The following PPRC1 variants were observed in gnomAD, a reference collection of about 807,000 sequenced individuals.
PPRC1 encodes the protein PPARG related coactivator 1.
A neutral mutation model predicts 132.5 loss-of-function variants in PPRC1; 23 were observed. The observed-to-expected ratio is 0.17, with a 90% CI of 0.12 to 0.25. The LOEUF is 0.25. PPRC1 is among the 10% of genes least tolerant of loss of function. The probability of loss-of-function intolerance (pLI) is 1.00; values close to 1 mark genes in which losing one functional copy is unlikely to be tolerated. For missense variants in PPRC1, 2,006 were observed against 2,089.1 expected (o/e 0.96, Z 0.78); for synonymous variants, 872 against 833.5 (o/e 1.05, Z -0.80).
In PPRC1 at chr10:102,148,271, C is replaced by T; in HGVS notation, c.4401-101C>T. ...TCTTCTACTCTGCTTTGTCTTTGGTCCTGAGCTTCCTAAAAGAAAGGCAGG... is the reference window on the plus strand; with the variant it reads ...TCTTCTACTCTGCTTTGTCTTTGGTTCTGAGCTTCCTAAAAGAAAGGCAGG... On this transcript the variant is annotated intron_variant, in intron 9 of 13. Coordinates refer to ENST00000278070, the MANE Select transcript of PPRC1 (RefSeq NM_015062.5). This position sits in a 1 kb window ranked among gnomAD's most constrained non-coding sequence, Gnocchi z 4.2. 1.4e-6 allele frequency: 2 copies of T among 1,388,432 alleles called. No homozygotes were observed. The highest frequency in any genetic ancestry group is 2.0e-5 in the Admixed American group (1 of 49,390). 86.0% of individuals were successfully genotyped at this position (1,388,432 alleles called of 1,614,324 possible).
chr10:102,120,794 A>C, the PPRC1 span, among the ~76,000 whole-genome samples: 3 of 151,842 alleles, frequency 2.0e-5, no homozygotes, highest in African/African-American at 7.3e-5. Context: ...GCTGAGCCGG[A>C]GCGGGAGCCG....
chr10:102,121,337 C>T, the PPRC1 span, among the ~76,000 whole-genome samples: 2 of 152,202 alleles, frequency 1.3e-5, no homozygotes, highest in South Asian at 4.1e-4. Flanking sequence ...AAGCTGCTGT[C>T]CTTTGAGGGC....
intron 8 of PPRC1, 93 bp from the exon 9 acceptor site, chr10:102,146,579 T>C: frequency 6.8e-7 from 1 of 1,465,404 alleles, no homozygotes; most frequent in South Asian, 1.4e-5. Context: ...CTTTGTGAGA[T>C]GAGGTGGGGG....
At chr10:102,122,462 CTTTT>C in the PPRC1 span, among the ~76,000 whole-genome samples, 2 of 133,574 alleles carry the variant, frequency 1.5e-5, no homozygotes, top group African/African-American at 5.5e-5. Flanking sequence ...TCTTTCTGCC[CTTTT>C]TTTTTTTTTT....
Position 102,150,044 on chromosome 10 carries a change from C to T in PPRC1, c.*15C>T, listed in dbSNP as rs1222289182. 5 of 1,584,968 alleles carry T rather than the reference C, an allele frequency of 3.2e-6. No individual in the cohort carries two copies. Among genetic ancestry groups the T allele is most frequent in the Admixed American group, 1.7e-5 (1 of 59,962 alleles). On this transcript the variant is annotated 3_prime_UTR_variant, in exon 14 of 14. Transcript: ENST00000278070. Reference sequence around the variant, plus strand: ...TCAGGAGGTAACCTTGGGCCCTTCCCTGCTATCCTTTTTCTCCTTTGGAGG... The same window carrying T: ...TCAGGAGGTAACCTTGGGCCCTTCCTTGCTATCCTTTTTCTCCTTTGGAGG...
chr10:102,149,421 C>T (rs903919379), intron 13 of PPRC1, 92 bp downstream of exon 13: 8 of 1,381,764 alleles, frequency 5.8e-6, no homozygotes, highest in Middle Eastern at 5.4e-4. Context: ...GGCAGACTTA[C>T]CTTAGTTTGA....
At chr10:102,132,266 A>G (rs914106651), upstream of PPRC1, among the ~76,000 whole-genome samples, 8 of 152,384 alleles carry the variant, frequency 5.2e-5, no homozygotes, top group South Asian at 2.1e-4. Flanking sequence ...TTATTTAAAA[A>G]TAGCAAATAT....
chr10:102,145,735 G>A (rs1401862237), intron 8 of PPRC1, among the ~76,000 whole-genome samples: 1 of 141,022 alleles, frequency 7.1e-6, no homozygotes, highest in Non-Finnish European at 1.5e-5. Flanking sequence ...CGTGATGGCG[G>A]GTGCCTGTAG....
At chr10:102,142,130 T>G (rs2069010996) in intron 5 of PPRC1, 126 bp downstream of exon 5, 1 of 1,153,194 alleles carries the variant, frequency 8.7e-7, no homozygotes, top group Non-Finnish European at 1.2e-6. Flanking sequence ...GTTTTTATTT[T>G]GAGATGGAGT....
At chr10:102,128,165 G>C (rs546443328), upstream of PPRC1, among the ~76,000 whole-genome samples, 139 of 151,156 alleles carry the variant, frequency 9.2e-4, no homozygotes, top group African/African-American at 3.3e-3. Context: ...TTTTGAGACA[G>C]AGTCTTGCTC....
chr10:102,143,711 G>A (rs1274355370), intron 6 of PPRC1, among the ~76,000 whole-genome samples: 2 of 152,088 alleles, frequency 1.3e-5, no homozygotes, highest in South Asian at 4.1e-4. Flanking sequence ...GGAATTCACA[G>A]AGAGAATATG....
At chr10:102,146,598 G>A in intron 8 of PPRC1, 74 bp from the exon 9 acceptor site, 1 of 1,503,904 alleles carries the variant, frequency 6.6e-7, no homozygotes, top group African/African-American at 1.4e-5. Flanking sequence ...GGTCTCTGGA[G>A]GCTATATACA....
Position 102,139,758 on chromosome 10 carries a change from A to T in PPRC1, c.1250A>T (p.Asn417Ile), listed in dbSNP as rs1053905860. ...TCTGAGAAAGAGGGGTTGTCATTGA[A>T]CTCAGAGGAGAAGCTGGACTCAGCC... Reference protein sequence around the residue: ...LCSEKEGLSLNSEEKLDSACL... With the variant: ...LCSEKEGLSLISEEKLDSACL... Residue 417 changes from asparagine (N) to isoleucine (I), a missense_variant, in exon 5 of 14, where the codon AAC (asparagine) becomes ATC (isoleucine). Physicochemically the swap from Asn to Ile is moderately radical, Grantham distance 149. Coordinates refer to ENST00000278070, the MANE Select transcript of PPRC1 (RefSeq NM_015062.5). 5.0e-6 allele frequency: 8 copies of T among 1,614,142 alleles called. No homozygotes were observed. Among genetic ancestry groups the T allele is most frequent in the Non-Finnish European group, 5.9e-6 (7 of 1,180,030 alleles).
rs145446235 is a variant in PPRC1 at position 102,146,725 on chromosome 10, G to C, written c.3733G>C (p.Val1245Leu). Reference protein sequence around the residue: ...PHQLWKPLAAVSLLAKAKSPK... With the variant: ...PHQLWKPLAALSLLAKAKSPK... ...CCAGTTATGGAAGCCCCTGGCTGCT[G>C]TCTCACTGCTGGCCAAAGCCAAATC... The change falls in exon 9 of 14, where the codon GTC (valine) becomes CTC (leucine). Residue 1245 changes from valine (V) to leucine (L), a missense_variant. Transcript: ENST00000278070. 5.7e-5 allele frequency: 92 copies of C among 1,613,824 alleles called. No homozygotes were observed. In the East Asian group the frequency reaches 1.8e-3, roughly 32 times the overall value.
chr10:102,142,992 T>C (rs2069062561), intron 5 of PPRC1, 53 bp from the exon 6 acceptor site: 1 of 1,502,394 alleles, frequency 6.7e-7, no homozygotes. Flanking sequence ...CTGGGACCTG[T>C]GTACTAAGTT....
chr10:102,145,117 T>C, intron 8 of PPRC1, 27 bp downstream of exon 8: 2 of 1,586,646 alleles, frequency 1.3e-6, no homozygotes, highest in Non-Finnish European at 1.7e-6. Context: ...GAATTCTGCC[T>C]GTGATTAGTC....
rs1437700191 is a variant in PPRC1 at position 102,139,387 on chromosome 10, A to G, written c.879A>G (p.Ala293=). 1 of 1,614,270 alleles carries G rather than the reference A, an allele frequency of 6.2e-7. No homozygotes were observed. Among genetic ancestry groups the G allele is most frequent in the South Asian group, 1.1e-5 (1 of 91,090 alleles). ...ATAAAGCAACAGCAGCAGAGATGGC[A>G]GTGCCAGCAGCTGGTGATGAGAGCA... ...EEDKATAAEM[A]VPAAGDESIS... The change falls in exon 5 of 14, where the codon GCA becomes GCG. Residue 293 remains alanine, a synonymous_variant. Transcript: ENST00000278070.
upstream of PPRC1, among the ~76,000 whole-genome samples, chr10:102,131,783 G>A (rs1260131604): frequency 1.3e-5 from 2 of 152,144 alleles, no homozygotes; most frequent in African/African-American, 2.4e-5. Flanking sequence ...TCGGCCTCCC[G>A]AGTAGCTGGG....
At position 102,148,603 on chromosome 10, in the gene PPRC1, G is replaced by T; in HGVS notation, c.4551-25G>T. 1 of 1,613,934 alleles carries T rather than the reference G, an allele frequency of 6.2e-7. No homozygotes were observed. Among genetic ancestry groups the T allele is most frequent in the Non-Finnish European group, 8.5e-7 (1 of 1,179,878 alleles). ...GTCTTGAATTGTCTTATGTTTGGGGGGCTGATGACACCCTCTTTTGTCAGG... is the reference window on the plus strand; with the variant it reads ...GTCTTGAATTGTCTTATGTTTGGGGTGCTGATGACACCCTCTTTTGTCAGG... On this transcript the variant is annotated intron_variant, in intron 10 of 13. Coordinates refer to ENST00000278070, the MANE Select transcript of PPRC1 (RefSeq NM_015062.5). This position sits in a 1 kb window ranked among gnomAD's most constrained non-coding sequence, Gnocchi z 4.2.
Sources: allele counts gnomAD v4.1 joint callset (sites outside exome capture counted in the v4.1 genomes callset), GRCh38; gene constraint gnomAD v4.1.1; non-coding constraint Gnocchi (gnomAD v3.1); transcripts MANE v1.5; gene names NCBI Gene and HGNC (gene_info 2026-07-23, HGNC 2026-07-21).